The following UBTF variants were observed in gnomAD, a reference collection of about 807,000 sequenced individuals.
UBTF encodes the protein nucleolar transcription factor 1.
In UBTF, 8 loss-of-function variants were observed where a neutral mutation model predicts 112.3. The observed-to-expected ratio is 0.07, with a 90% CI of 0.04 to 0.13. The LOEUF (loss-of-function observed/expected upper bound fraction) is 0.13. Ranked by LOEUF, UBTF falls within the 10% of genes least tolerant of loss-of-function variation. The pLI, the probability that UBTF is intolerant of heterozygous loss-of-function variation, is 1.00. For missense variants in UBTF, 457 were observed against 982.1 expected (o/e 0.47, Z 7.15); for synonymous variants, 417 against 373.1 (o/e 1.12, Z -1.36).
At chr17:44,214,680 G>A (rs1351864695) in intron 5 of UBTF, among the ~76,000 whole-genome samples, 1 of 152,168 alleles carries the variant, frequency 6.6e-6, no homozygotes, top group Non-Finnish European at 1.5e-5. Context: ...CCAAGGGCAT[G>A]TGAGTCTGCA....
rs929541589 is a variant in UBTF at position 44,215,499 on chromosome 17, G to T, written c.474+155C>A. 5.6e-6 allele frequency: 5 copies of T among 896,006 alleles called. No homozygotes were observed. The Admixed American group carries it at 1.2e-4, about 22-fold the overall frequency. 55.5% of individuals were successfully genotyped at this position (896,006 alleles called of 1,614,324 possible). On this transcript the variant is annotated intron_variant, in intron 5 of 20. Coordinates refer to ENST00000436088, the MANE Select transcript of UBTF (RefSeq NM_014233.4). ...TGACCATGTGTGGGCCGAGGAAGGGGCAATCAGGTGTGGCTGCCCAGGACC... is the reference window on the plus strand; with the variant it reads ...TGACCATGTGTGGGCCGAGGAAGGGTCAATCAGGTGTGGCTGCCCAGGACC...
Position 44,213,643 on chromosome 17 carries a change from G to A in UBTF, c.475-361C>T, listed in dbSNP as rs73310888. Reference sequence around the variant, plus strand: ...AACACCATAGAACTCTCACAGTGGCGTCGGGTGCAGGCCTTGCTCCTGTCA... The same window carrying A: ...AACACCATAGAACTCTCACAGTGGCATCGGGTGCAGGCCTTGCTCCTGTCA... On this transcript the variant is annotated intron_variant, in intron 5 of 20. Transcript: ENST00000436088. Among the ~76,000 whole-genome samples, 795 of 152,280 alleles carry A rather than the reference G, an allele frequency of 5.2e-3. 7 individuals carry two copies. The highest frequency in any genetic ancestry group is 0.018 in the African/African-American group (761 of 41,538).
At chr17:44,216,190 C>A in intron 3 of UBTF, 1 of 612,502 alleles carries the variant, frequency 1.6e-6, no homozygotes, top group South Asian at 2.0e-5. Context: ...CCCAGGCAGT[C>A]AGTACACACC....
At position 44,211,184 on chromosome 17, in the gene UBTF, G is replaced by C. The variant is rs1364257885; in HGVS notation, c.1090-32C>G. The C allele has an allele frequency of 6.2e-7, 1 of 1,612,908 alleles. No homozygotes were observed. Among genetic ancestry groups the C allele is most frequent in the Non-Finnish European group, 8.5e-7 (1 of 1,179,664 alleles). On this transcript the variant is annotated intron_variant, in intron 11 of 20. Transcript: ENST00000436088. This position sits in a 1 kb window ranked among gnomAD's most constrained non-coding sequence, Gnocchi z 4.9. Reference sequence around the variant, plus strand: ...AGGAAAGAGGAGCACGGGGCTGCATGCCTGGCACCCAGACTGCATGGTGCC... The same window carrying C: ...AGGAAAGAGGAGCACGGGGCTGCATCCCTGGCACCCAGACTGCATGGTGCC...
chr17:44,219,281 C>T (rs2047038431), intron 1 of UBTF, among the ~76,000 whole-genome samples, 164 bp downstream of exon 1: 2 of 151,042 alleles, frequency 1.3e-5, no homozygotes, highest in South Asian at 2.1e-4. Context: ...TCCTGCCTTC[C>T]CCTCCCCCGG....
At position 44,206,864 on chromosome 17, in the gene UBTF, G is replaced by A; in HGVS notation, c.*378C>T. 1 of 315,394 alleles carries A rather than the reference G, an allele frequency of 3.2e-6. No homozygotes were observed. Among genetic ancestry groups the A allele is most frequent in the Non-Finnish European group, 5.8e-6 (1 of 172,634 alleles). The allele number at this position is 315,394 out of a possible 1,614,324, so 19.5% of individuals were successfully genotyped here. A position where few individuals can be genotyped will look rare whatever the true frequency, so the allele number is the denominator to read the frequency against. ...CTTCCCCAAGCTTCCACCCCACCTT[G>A]GATTGGGCCGCAGGTGTGGAGGGCC... On this transcript the variant is annotated 3_prime_UTR_variant, in exon 21 of 21. Transcript: ENST00000436088.
At chr17:44,221,244 T>C (rs907387868), upstream of UBTF, 1 of 152,298 alleles carries the variant, frequency 6.6e-6, no homozygotes, top group Admixed American at 6.5e-5. Flanking sequence ...CGCGCGGGGC[T>C]GGAGCCGGCG....
chr17:44,211,956 C>G lies in UBTF; in HGVS notation c.822G>C (p.Glu274Asp). 6.2e-7 allele frequency: 1 copy of G among 1,613,956 alleles called. No individual in the cohort carries two copies. Among genetic ancestry groups the G allele is most frequent in the Non-Finnish European group, 8.5e-7 (1 of 1,180,000 alleles). ...TGAGGGTGGACTTGGTGATACCCTC[C>G]TCACTGATGTTCAGCTCTGGGTGCT... The part of the protein sequence containing the change: ...IQKHPELNIS[E>D]EGITKSTLTK... The change falls in exon 9 of 21, where the codon GAG becomes GAC. Residue 274 changes from glutamate to aspartate, a missense_variant. Coordinates refer to ENST00000436088, the MANE Select transcript of UBTF (RefSeq NM_014233.4). This position sits in a 1 kb window ranked among gnomAD's most constrained non-coding sequence, Gnocchi z 4.9.
At chr17:44,213,485 A>ACT in intron 5 of UBTF, 1 of 553,158 alleles carries the variant, frequency 1.8e-6, no homozygotes, top group East Asian at 2.9e-5. Flanking sequence ...TGGGAGCTGC[A>ACT]GGGGTCGCCC....
intron 5 of UBTF, 47 bp from the exon 6 acceptor site, chr17:44,213,329 A>C: frequency 1.9e-4 from 305 of 1,573,060 alleles, no homozygotes; most frequent in Middle Eastern, 3.4e-4. Context: ...AGGGTATCTC[A>C]CCCTGAGCTA....
At chr17:44,218,041 A>G (rs551896806) in intron 2 of UBTF, 131 bp downstream of exon 2, 1 of 960,358 alleles carries the variant, frequency 1.0e-6, no homozygotes, top group African/African-American at 1.6e-5. Context: ...TTGATTCATA[A>G]ATACTCAAGG....
At position 44,219,619 on chromosome 17, in the gene UBTF, C is replaced by CGGCGGCTGCTGCTGT; in HGVS notation, c.-243_-242insACAGCAGCAGCCGCC. 1 of 532 alleles carries CGGCGGCTGCTGCTGT rather than the reference C, an allele frequency of 1.9e-3. No homozygotes were observed. Among genetic ancestry groups the CGGCGGCTGCTGCTGT allele is most frequent in the Non-Finnish European group, 4.4e-3 (1 of 228 alleles). The allele number at this position is 532 out of a possible 1,614,324, so 0.0% of individuals were successfully genotyped here. ...GCGGCGGCTGCTGCTGCTGTGGCGG[C>CGGCGGCTGCTGCTGT]GGCGGCGGCGGCGGCGGCTGTGGCT... On this transcript the variant is annotated 5_prime_UTR_variant, in exon 1 of 21. Transcript: ENST00000436088.
chr17:44,207,751 T>C lies in UBTF; in HGVS notation c.1973A>G (p.Lys658Arg), dbSNP rs1364315597. The change falls in exon 19 of 21, where the codon AAG becomes AGG. Residue 658 changes from lysine to arginine, a missense_variant. Around this residue, in one of 7 missense-constraint regions of UBTF, gnomAD observed 139 missense variants for 157.5 expected, o/e 0.88. Coordinates refer to ENST00000436088, the MANE Select transcript of UBTF (RefSeq NM_014233.4). ...YISNKRKSMTKLRGPNPKSSR... is the reference protein window; with the variant it reads ...YISNKRKSMTRLRGPNPKSSR... Reference sequence around the variant, plus strand: ...GGATTTGGGGTTTGGGCCTCGCAGCTTGGTCATGCTCTTACGTTTCTGCAG... The same window carrying C: ...GGATTTGGGGTTTGGGCCTCGCAGCCTGGTCATGCTCTTACGTTTCTGCAG... The C allele has an allele frequency of 2.5e-6, 4 of 1,614,154 alleles. No individual in the cohort carries two copies. Among genetic ancestry groups the C allele is most frequent in the Admixed American group, 1.7e-5 (1 of 60,022 alleles).
At chr17:44,212,764 C>T (rs974476392) in intron 7 of UBTF, 55 bp downstream of exon 7, 42 of 1,601,174 alleles carry the variant, frequency 2.6e-5, no homozygotes, top group Non-Finnish European at 3.6e-5. Flanking sequence ...TGGCGCGGCT[C>T]CCCCCTGGCC....
At chr17:44,207,618 T>C (rs755652935) in intron 19 of UBTF, 21 bp from the exon 20 acceptor site, 7 of 1,614,200 alleles carry the variant, frequency 4.3e-6, no homozygotes, top group Non-Finnish European at 5.9e-6. Flanking sequence ...TGGAGGCACA[T>C]CAGTGGTCTC....
intron 3 of UBTF, chr17:44,216,266 C>G (rs1226912787): frequency 3.3e-6 from 2 of 604,684 alleles, no homozygotes; most frequent in African/African-American, 3.7e-5. Context: ...CTCCGTCAAT[C>G]TCAGCATGCT....
chr17:44,213,782 T>C (rs1488005923), intron 5 of UBTF, among the ~76,000 whole-genome samples: 1 of 152,142 alleles, frequency 6.6e-6, no homozygotes, highest in Non-Finnish European at 1.5e-5. Context: ...GAGGGGAGAT[T>C]GTGTGGAGGG....
chr17:44,219,364 G>C (rs574144797), intron 1 of UBTF, 81 bp downstream of exon 1: 1 of 150,856 alleles, frequency 6.6e-6, no homozygotes, highest in Non-Finnish European at 1.5e-5. Context: ...TCGGGTCCCC[G>C]CTGGGCGCCC....
At position 44,211,557 on chromosome 17, in the gene UBTF, A is replaced by AC; in HGVS notation, c.1047+48dup. 6.3e-7 allele frequency: 1 copy of AC among 1,589,584 alleles called. No individual in the cohort carries two copies. Among genetic ancestry groups the AC allele is most frequent in the Non-Finnish European group, 8.6e-7 (1 of 1,169,382 alleles). On this transcript the variant is annotated intron_variant, in intron 10 of 20. Coordinates refer to ENST00000436088, the MANE Select transcript of UBTF (RefSeq NM_014233.4). This position sits in a 1 kb window ranked among gnomAD's most constrained non-coding sequence, Gnocchi z 4.9. ...ACTGACTGGCCCAAGATGGGATCAG[A>AC]CCTCATGCTTCAAAACCCCAAGGCA...
Sources: allele counts gnomAD v4.1 joint callset (sites outside exome capture counted in the v4.1 genomes callset), GRCh38; gene constraint gnomAD v4.1.1; regional missense constraint gnomAD v4.1.1; non-coding constraint Gnocchi (gnomAD v3.1); transcripts MANE v1.5; gene names NCBI Gene and HGNC (gene_info 2026-07-23, HGNC 2026-07-21).